TMEM74: variants seen among roughly 807,000 people sequenced by gnomAD.
TMEM74 encodes the protein transmembrane protein 74.
Under a neutral mutation model 18.1 loss-of-function variants are expected in TMEM74, and 13 were observed. That is an observed-to-expected ratio of 0.72 (90% confidence interval 0.47 to 1.14). The LOEUF is 1.14. Ranked by LOEUF, TMEM74 falls within the 50% of genes most tolerant of loss-of-function variation. The pLI is 0.00. For missense variants in TMEM74, 372 were observed against 375.9 expected (o/e 0.99, Z 0.09); for synonymous variants, 159 against 146.6 (o/e 1.08, Z -0.61).
At chr8:108,769,221 A>G (rs1419759636) in intron 1 of TMEM74, among the ~76,000 whole-genome samples, 1 of 151,762 alleles carries the variant, frequency 6.6e-6, no homozygotes, top group Non-Finnish European at 1.5e-5. Flanking sequence ...CCAGCTACTC[A>G]GGAGGCTGAG....
intron 1 of TMEM74, among the ~76,000 whole-genome samples, chr8:108,764,082 A>G (rs1410354853): frequency 2.6e-5 from 4 of 152,156 alleles, no homozygotes; most frequent in African/African-American, 9.6e-5. Context: ...ATTTCTACAC[A>G]TAGAGGGAAA....
intron 1 of TMEM74, among the ~76,000 whole-genome samples, chr8:108,765,149 T>G (rs1382821469): frequency 5.9e-5 from 9 of 152,174 alleles, no homozygotes; most frequent in Non-Finnish European, 2.9e-5. Flanking sequence ...GCACATTTGC[T>G]GTTTCTACAC....
chr8:108,615,862 C>T (rs901111594), intron 2 of TMEM74, among the ~76,000 whole-genome samples: 3 of 135,052 alleles, frequency 2.2e-5, no homozygotes, highest in Non-Finnish European at 3.1e-5. Context: ...TCACTGCTCA[C>T]TGCAACCTCC....
intron 3 of TMEM74, among the ~76,000 whole-genome samples, chr8:108,608,309 A>G (rs956822921): frequency 1.0e-5 from 1 of 97,296 alleles, no homozygotes; most frequent in African/African-American, 3.5e-5. Context: ...AAAAAAAAAA[A>G]AAAAAGAAAA....
At position 108,784,523 on chromosome 8, in the gene TMEM74, C is replaced by G; in HGVS notation, c.576G>C (p.Val192=). 6.2e-7 allele frequency: 1 copy of G among 1,614,144 alleles called. No individual in the cohort carries two copies. ...CCCGTGGGACGATGTAAGAGATGAT[C>G]ACGAGCAGGATCCCAGTGACCAAGA... is the stretch of plus-strand genomic sequence containing the variant. ...ILFLVTGILL[V]IISYIVPREV... Residue 192 remains valine, a synonymous_variant, in exon 2 of 2, where the codon GTG becomes GTC. Coordinates refer to ENST00000297459, the MANE Select transcript of TMEM74 (RefSeq NM_153015.3).
At chr8:108,678,233 CA>C (rs1813073866) in intron 1 of TMEM74, among the ~76,000 whole-genome samples, 1 of 152,050 alleles carries the variant, frequency 6.6e-6, no homozygotes, top group South Asian at 2.1e-4. Context: ...GTGCAGATAA[CA>C]AAAATAATGG....
At chr8:108,672,813 A>G (rs1039131476) in intron 1 of TMEM74, among the ~76,000 whole-genome samples, 1 of 152,230 alleles carries the variant, frequency 6.6e-6, no homozygotes, top group Non-Finnish European at 1.5e-5. Context: ...CAATGATGCT[A>G]TATCCTGTGT....
At chr8:108,609,271 A>G (rs961687229) in intron 2 of TMEM74, among the ~76,000 whole-genome samples, 1 of 152,216 alleles carries the variant, frequency 6.6e-6, no homozygotes, top group Non-Finnish European at 1.5e-5. Context: ...ATCTAAAATA[A>G]GTTCTTTCAG....
At chr8:108,757,872 C>G (rs941935607) in intron 1 of TMEM74, among the ~76,000 whole-genome samples, 2 of 151,974 alleles carry the variant, frequency 1.3e-5, no homozygotes, top group African/African-American at 4.8e-5. Context: ...TATTATGTTT[C>G]TCACTGAAGC....
intron 2 of TMEM74, among the ~76,000 whole-genome samples, chr8:108,640,813 A>C (rs1812658414): frequency 6.6e-6 from 1 of 152,292 alleles, no homozygotes; most frequent in East Asian, 1.9e-4. Flanking sequence ...GCCAAGAAAC[A>C]CTTATGTAAA....
intron 1 of TMEM74, among the ~76,000 whole-genome samples, chr8:108,696,024 A>G (rs2935800): frequency 0.2 from 30,547 of 152,100 alleles, 3,189 homozygotes; most frequent in East Asian, 0.29. Context: ...AAATTCTGAG[A>G]CAGAATTTAT....
rs1473158921 is a variant in TMEM74 at position 108,718,222 on chromosome 8, T to G, written n.120-62785A>C. On this transcript the variant is annotated intron_variant and non_coding_transcript_variant, in intron 1 of 3. Transcript: ENST00000518838. ...ATCCGCCCGCCTCGGCCTCCCAAAG[T>G]GCTGGGATTACAGGCGTGAGCCACC... Among the ~76,000 whole-genome samples, 2 of 71,040 alleles carry G rather than the reference T, an allele frequency of 2.8e-5. 1 individual carries two copies. The highest frequency in any genetic ancestry group is 4.5e-5 in the Non-Finnish European group (2 of 44,448). The allele number at this position is 71,040 out of a possible 152,430, so 46.6% of individuals were successfully genotyped here.
chr8:108,759,730 G>A (rs568364180), intron 1 of TMEM74, among the ~76,000 whole-genome samples: 3 of 152,240 alleles, frequency 2.0e-5, no homozygotes, highest in Non-Finnish European at 2.9e-5. Context: ...TACATAAATT[G>A]TTAAAGACAG....
rs1563745188 is a variant in TMEM74 at position 108,670,034 on chromosome 8, T to TAAAAAAAAAAAAAAAAAAAAAAAAA, written n.120-14598_120-14597insTTTTTTTTTTTTTTTTTTTTTTTTT. ...GCCTGGATGACAGAGTAAGATTCTG[T>TAAAAAAAAAAAAAAAAAAAAAAAAA]GAAAAAAAAAAAAAAAAAAAAAAGG... On this transcript the variant is annotated intron_variant and non_coding_transcript_variant, in intron 1 of 3. Transcript: ENST00000518838. Among the ~76,000 whole-genome samples the TAAAAAAAAAAAAAAAAAAAAAAAAA allele has an allele frequency of 1.8e-5, 2 of 113,942 alleles. 1 individual carries two copies. The allele number at this position is 113,942 out of a possible 152,430, so 74.8% of individuals were successfully genotyped here.
intron 1 of TMEM74, among the ~76,000 whole-genome samples, chr8:108,738,514 C>T (rs1193284754): frequency 6.6e-6 from 1 of 152,126 alleles, no homozygotes; most frequent in Non-Finnish European, 1.5e-5. Flanking sequence ...TTCTAGAAAG[C>T]TTTACCTTGT....
intron 2 of TMEM74, among the ~76,000 whole-genome samples, chr8:108,622,381 C>A (rs1407485747): frequency 6.6e-6 from 1 of 152,080 alleles, no homozygotes; most frequent in Non-Finnish European, 1.5e-5. Context: ...TGCTCAAGAT[C>A]CCACAACTGG....
intron 2 of TMEM74, among the ~76,000 whole-genome samples, chr8:108,632,779 T>C (rs1812567987): frequency 6.6e-6 from 1 of 151,996 alleles, no homozygotes; most frequent in African/African-American, 2.4e-5. Context: ...TCTGAGTAAG[T>C]CAGTAACCTA....
At chr8:108,678,377 G>A (rs1199416935) in intron 1 of TMEM74, among the ~76,000 whole-genome samples, 1 of 151,860 alleles carries the variant, frequency 6.6e-6, no homozygotes, top group Non-Finnish European at 1.5e-5. Context: ...TTTATTTTTA[G>A]TTTTTGAGAT....
At chr8:108,632,768 T>G (rs1211785804) in intron 2 of TMEM74, among the ~76,000 whole-genome samples, 3 of 152,018 alleles carry the variant, frequency 2.0e-5, no homozygotes. Context: ...ACTATGTGGT[T>G]TCTGAGTAAG....
Sources: allele counts gnomAD v4.1 joint callset (sites outside exome capture counted in the v4.1 genomes callset), GRCh38; gene constraint gnomAD v4.1.1; transcripts MANE v1.5; gene names NCBI Gene and HGNC (gene_info 2026-07-23, HGNC 2026-07-21).